The following NCALD variants were observed in gnomAD, a reference collection of about 807,000 sequenced individuals.
NCALD encodes neurocalcin-delta.
A neutral mutation model predicts 18.6 loss-of-function variants in NCALD; 10 were observed. That is an observed-to-expected ratio of 0.54 (90% CI 0.33 to 0.91). NCALD has a LOEUF of 0.91. Among genes scored for constraint, NCALD ranks in the 40% least tolerant of loss-of-function variants. NCALD has a pLI of 0.03. For synonymous variants in NCALD, 88 were observed against 87.4 expected, an observed-to-expected ratio of 1.01 and a Z score of -0.04; for missense variants, 184 against 247.6, an observed-to-expected ratio of 0.74 and a Z score of 1.72.
chr8:101,693,318 G>GGTTT (rs1814823152), intron 2 of NCALD: 1 of 60,000 alleles, frequency 1.7e-5, no homozygotes, highest in African/African-American at 7.1e-5. Context: ...CACACAGGGC[G>GGTTT]TTTTTTTTTT....
At chr8:101,941,944 G>T (rs1034800762) in intron 2 of NCALD, among the ~76,000 whole-genome samples, 1 of 152,084 alleles carries the variant, frequency 6.6e-6, no homozygotes, top group Admixed American at 6.5e-5. Flanking sequence ...TTTTCCCCAG[G>T]ATTTTGGTTA....
intron 2 of NCALD, among the ~76,000 whole-genome samples, chr8:101,980,716 C>T (rs947931161): frequency 1.3e-5 from 2 of 152,146 alleles, no homozygotes; most frequent in Non-Finnish European, 2.9e-5. Context: ...CACCTGAAGA[C>T]TAAACAAAAG....
chr8:101,919,592 CA>C (rs1818091800), intron 2 of NCALD, among the ~76,000 whole-genome samples: 1 of 151,696 alleles, frequency 6.6e-6, no homozygotes, highest in Non-Finnish European at 1.5e-5. Context: ...AGTAAACAGA[CA>C]ATCTACAGAA....
intron 4 of NCALD, among the ~76,000 whole-genome samples, chr8:101,867,217 T>C (rs946424095): frequency 6.6e-6 from 1 of 152,222 alleles, no homozygotes; most frequent in African/African-American, 2.4e-5. Context: ...TCCTTGGCCA[T>C]TCTATCTAAA....
chr8:102,107,239 T>C (rs187481181), intron 1 of NCALD, among the ~76,000 whole-genome samples: 1,270 of 110,312 alleles, frequency 0.012, 21 homozygotes, highest in African/African-American at 0.039. Context: ...TATATATATA[T>C]ACACATAGAA....
chr8:101,758,719 A>G (rs954528122), intron 1 of NCALD, among the ~76,000 whole-genome samples: 2 of 152,188 alleles, frequency 1.3e-5, no homozygotes, highest in Admixed American at 6.5e-5. Context: ...AGTTCTGTCT[A>G]CAGATTAGAG....
intron 2 of NCALD, among the ~76,000 whole-genome samples, chr8:101,710,301 AC>A (rs1163562495): frequency 1.3e-5 from 2 of 152,098 alleles, no homozygotes; most frequent in African/African-American, 4.8e-5. Flanking sequence ...TGCCTATGCC[AC>A]CAGGGCCCTG....
intron 3 of NCALD, among the ~76,000 whole-genome samples, chr8:101,904,993 A>G (rs1283185650): frequency 6.6e-6 from 1 of 152,228 alleles, no homozygotes; most frequent in Non-Finnish European, 1.5e-5. Flanking sequence ...CATTTAGCAA[A>G]AAAAGACAGA....
intron 1 of NCALD, among the ~76,000 whole-genome samples, chr8:102,121,208 G>C (rs1825935268): frequency 6.6e-6 from 1 of 152,120 alleles, no homozygotes; most frequent in South Asian, 2.1e-4. Context: ...TCTTCTCCGT[G>C]TTTTGTTGTG....
intron 1 of NCALD, among the ~76,000 whole-genome samples, chr8:102,039,833 T>C (rs1225983715): frequency 6.6e-6 from 1 of 152,108 alleles, no homozygotes; most frequent in African/African-American, 2.4e-5. Context: ...TCTTACTCAG[T>C]TCCCACGTGA....
intron 1 of NCALD, among the ~76,000 whole-genome samples, chr8:102,095,413 AT>A (rs1204320160): frequency 2.0e-5 from 3 of 152,216 alleles, no homozygotes; most frequent in African/African-American, 4.8e-5. Flanking sequence ...TTTTTTTCCA[AT>A]TGCCCAAAAT....
At chr8:101,800,783 A>G (rs1380307132) in intron 4 of NCALD, among the ~76,000 whole-genome samples, 1 of 146,796 alleles carries the variant, frequency 6.8e-6, no homozygotes, top group Admixed American at 6.8e-5. Context: ...CAAGAGGATC[A>G]CTTGAACCCA....
chr8:101,750,230 C>G (rs1009126790), intron 1 of NCALD: 3 of 152,162 alleles, frequency 2.0e-5, no homozygotes, highest in Non-Finnish European at 2.9e-5. Context: ...GGTCCCCCCC[C>G]CATGACACGT....
intron 1 of NCALD, chr8:102,123,835 C>T (rs532716110): frequency 8.6e-5 from 13 of 150,952 alleles, no homozygotes; most frequent in Non-Finnish European, 1.6e-4. Context: ...CGGCCCCGGC[C>T]CCCGGGGCGG....
At chr8:102,033,033 G>A (rs1441169421) in intron 1 of NCALD, among the ~76,000 whole-genome samples, 3 of 152,164 alleles carry the variant, frequency 2.0e-5, no homozygotes, top group Admixed American at 2.0e-4. Context: ...GCAAAGATTT[G>A]TTCTTAGGGA....
At chr8:101,897,066 C>T (rs1267476717) in intron 3 of NCALD, among the ~76,000 whole-genome samples, 1 of 67,296 alleles carries the variant, frequency 1.5e-5, no homozygotes, top group Non-Finnish European at 2.5e-5. Context: ...CACATGCACA[C>T]GTATGTTTAT....
chr8:102,107,099 A>T (rs958987496), intron 1 of NCALD, among the ~76,000 whole-genome samples: 6 of 150,940 alleles, frequency 4.0e-5, no homozygotes, highest in African/African-American at 1.5e-4. Context: ...CAGCCCTTAA[A>T]AAAAAAACTG....
At chr8:102,096,845 T>C (rs1458998558) in intron 1 of NCALD, among the ~76,000 whole-genome samples, 1 of 152,232 alleles carries the variant, frequency 6.6e-6, no homozygotes, top group Non-Finnish European at 1.5e-5. Context: ...GTCGCTTCAT[T>C]CTTTCCCTGC....
At chr8:102,114,965 T>C (rs1185634459) in intron 1 of NCALD, among the ~76,000 whole-genome samples, 1 of 152,216 alleles carries the variant, frequency 6.6e-6, no homozygotes, top group Non-Finnish European at 1.5e-5. Flanking sequence ...ATCCTCAGCA[T>C]ATGCACAAAG....
Sources: gnomAD v4.1 joint callset for allele counts (sites outside exome capture counted in the v4.1 genomes callset) on GRCh38, gnomAD v4.1.1 for gene constraint, MANE v1.5 for transcripts, NCBI Gene and HGNC (gene_info 2026-07-23, HGNC 2026-07-21) for gene names.